ATP2C1: variants seen among roughly 807,000 people sequenced by gnomAD.
The protein encoded by ATP2C1 is ATPase secretory pathway Ca2+ transporting 1.
ATP2C1 carries 31 observed loss-of-function variants against 120.5 expected under a neutral mutation model. That is an observed-to-expected ratio of 0.26 (90% CI 0.19 to 0.35). The LOEUF (loss-of-function observed/expected upper bound fraction) is 0.35, where lower values mean the gene tolerates loss of function less well. ATP2C1 is among the 10% of genes least tolerant of loss of function. The pLI is 1.00. For missense variants in ATP2C1, 731 were observed against 1,107.5 expected (o/e 0.66, Z 4.83); for synonymous variants, 351 against 358.7 (o/e 0.98, Z 0.24).
Position 130,934,721 on chromosome 3 carries a change from A to T in ATP2C1, c.324+10A>T. ...CGTCAGTATCACTGTGGTAAGAAAAAAATTACATATTTTTAATCTGTTGAG... is the reference window on the plus strand; with the variant it reads ...CGTCAGTATCACTGTGGTAAGAAAATAATTACATATTTTTAATCTGTTGAG... On this transcript the variant is annotated intron_variant, in intron 5 of 27. Transcript: ENST00000510168. 1 of 1,565,534 alleles carries T rather than the reference A, an allele frequency of 6.4e-7. No homozygotes were observed. Among genetic ancestry groups the T allele is most frequent in the South Asian group, 1.1e-5 (1 of 90,028 alleles).
upstream of ATP2C1, among the ~76,000 whole-genome samples, chr3:130,892,727 A>ACTTGATAGTGATTTTTATGGGTTCAT (rs1254092736): frequency 1.3e-5 from 2 of 151,644 alleles, no homozygotes; most frequent in Admixed American, 6.6e-5. Flanking sequence ...CTAGAAATCT[A>ACTTGATAGTGATTTTTATGGGTTCAT]CTTGATAGTG....
intron 1 of ATP2C1, among the ~76,000 whole-genome samples, chr3:130,876,794 C>G (rs935288420): frequency 2.0e-5 from 3 of 151,064 alleles, no homozygotes; most frequent in African/African-American, 7.4e-5. Flanking sequence ...TTTGTTTCAT[C>G]AGCATTTTAT....
rs1318919541 is a variant in ATP2C1, at chr3:130,894,783, C to T, written c.6+8C>T. The T allele has an allele frequency of 2.5e-6, 4 of 1,613,660 alleles. No homozygotes were observed. The highest frequency in any genetic ancestry group is 2.7e-5 in the African/African-American group (2 of 74,928). ...TTTCGATGGAAAATGAAGGTAAAGG[C>T]CCCTGGCCGACCGGTTGCAACGCGG... On this transcript the variant is annotated splice_region_variant and intron_variant, in intron 2 of 27. Transcript: ENST00000510168. This position sits in a 1 kb window ranked among gnomAD's most constrained non-coding sequence, Gnocchi z 4.5.
intron 20 of ATP2C1, among the ~76,000 whole-genome samples, chr3:130,983,758 TATC>T (rs2061877370): frequency 6.6e-6 from 1 of 152,224 alleles, no homozygotes; most frequent in Admixed American, 6.5e-5. Flanking sequence ...GTTGGAATAA[TATC>T]ATATGTAGCC....
intron 2 of ATP2C1, among the ~76,000 whole-genome samples, chr3:130,909,301 T>A (rs887877501): frequency 6.6e-6 from 1 of 152,218 alleles, no homozygotes. Flanking sequence ...ACATCTCTCC[T>A]AGAAACTTCC....
At chr3:130,961,071 ATG>A (rs1006469738) in intron 12 of ATP2C1, among the ~76,000 whole-genome samples, 6 of 152,114 alleles carry the variant, frequency 3.9e-5, no homozygotes, top group Admixed American at 6.6e-5. Flanking sequence ...TAGTGAAAGA[ATG>A]TGTTTTTTTT....
In ATP2C1 at chr3:130,903,741, T is replaced by C. The variant is rs140298722; in HGVS notation, c.6+8966T>C. ...CCTTTCCTTTCCTTTCCTTTCCATC[T>C]TCTGTATTGCTAGTAAAATAATTGT... On this transcript the variant is annotated intron_variant, in intron 2 of 27. Coordinates refer to ENST00000510168, the MANE Select transcript of ATP2C1 (RefSeq NM_001378687.1). Among the ~76,000 whole-genome samples, 1,089 of 137,440 alleles carry C rather than the reference T, an allele frequency of 7.9e-3. 18 individuals carry two copies. Among genetic ancestry groups the C allele is most frequent in the African/African-American group, 0.032 (1,035 of 32,098 alleles). The allele number at this position is 137,440 out of a possible 152,430, so 90.2% of individuals were successfully genotyped here.
chr3:130,879,878 T>C (rs1451138807), intron 1 of ATP2C1, among the ~76,000 whole-genome samples: 1 of 152,196 alleles, frequency 6.6e-6, no homozygotes, highest in East Asian at 1.9e-4. Context: ...CTGTGCTGGA[T>C]GGGGATGCCA....
intron 26 of ATP2C1, chr3:131,015,371 C>T (rs1181042097): frequency 5.4e-5 from 32 of 597,386 alleles, no homozygotes; most frequent in South Asian, 4.4e-4. Flanking sequence ...CCTCAAGTAC[C>T]TCCTGGATGG....
At chr3:130,983,588 C>T (rs980805691) in intron 20 of ATP2C1, among the ~76,000 whole-genome samples, 11 of 152,214 alleles carry the variant, frequency 7.2e-5, no homozygotes, top group African/African-American at 1.9e-4. Context: ...TCTTTTGAGA[C>T]GGAGTCTCGC....
downstream of ATP2C1, among the ~76,000 whole-genome samples, chr3:131,003,652 C>T (rs1271612311): frequency 2.6e-5 from 4 of 152,076 alleles, no homozygotes; most frequent in African/African-American, 7.2e-5. Context: ...CCATGAAACC[C>T]GAAGACCCTC....
rs2062608272 is a variant in ATP2C1 at position 130,996,027 on chromosome 3, A to AT, written c.2058-10dup. Reference sequence around the variant, plus strand: ...GATAATATTTTCTCACTTCATCTTTATTTTTTAAATTTCAGGTCTGCAATC... The same window carrying AT: ...GATAATATTTTCTCACTTCATCTTTATTTTTTTAAATTTCAGGTCTGCAATC... On this transcript the variant is annotated splice_polypyrimidine_tract_variant and intron_variant, in intron 22 of 27. Coordinates refer to ENST00000510168, the MANE Select transcript of ATP2C1 (RefSeq NM_001378687.1). 4 of 1,466,612 alleles carry AT rather than the reference A, an allele frequency of 2.7e-6. No individual in the cohort carries two copies. The highest frequency in any genetic ancestry group is 3.8e-6 in the Non-Finnish European group (4 of 1,047,600). The allele number at this position is 1,466,612 out of a possible 1,614,324, so 90.8% of individuals were successfully genotyped here.
chr3:131,005,902 A>C (rs1175274212), downstream of ATP2C1, among the ~76,000 whole-genome samples: 3 of 152,152 alleles, frequency 2.0e-5, no homozygotes, highest in Non-Finnish European at 4.4e-5. Context: ...TACTGGTAGC[A>C]ATTTTTTTGA....
chr3:130,956,626 C>G (rs1422586192), intron 11 of ATP2C1, among the ~76,000 whole-genome samples: 1 of 151,394 alleles, frequency 6.6e-6, no homozygotes, highest in East Asian at 1.9e-4. Flanking sequence ...ATAAATACTT[C>G]TTTAGTGTGG....
At chr3:130,943,495 T>C (rs1403937168) in intron 8 of ATP2C1, among the ~76,000 whole-genome samples, 1 of 152,128 alleles carries the variant, frequency 6.6e-6, no homozygotes, top group Non-Finnish European at 1.5e-5. Flanking sequence ...GGGATTATAG[T>C]CGTGAGCCAC....
intron 6 of ATP2C1, 62 bp from the exon 7 acceptor site, chr3:130,940,564 TAATA>T: frequency 9.6e-7 from 1 of 1,038,022 alleles, no homozygotes; most frequent in African/African-American, 1.6e-5. Context: ...TGATTGAGAT[TAATA>T]AGTCTAAATG....
At chr3:130,941,444 C>T (rs1196891824) in intron 7 of ATP2C1, 147 bp from the exon 8 acceptor site, 7 of 676,056 alleles carry the variant, frequency 1.0e-5, no homozygotes, top group Non-Finnish European at 1.6e-5. Flanking sequence ...TTTCTGTCAT[C>T]TTGGCATCTT....
Position 130,880,457 on chromosome 3 carries a change from G to C in ATP2C1, c.108+29529G>C, listed in dbSNP as rs199851935. Among the ~76,000 whole-genome samples, 11 of 152,178 alleles carry C rather than the reference G, an allele frequency of 7.2e-5. No individual in the cohort carries two copies. In the East Asian group the frequency reaches 1.5e-3, roughly 21 times the overall value. ...ATTAAAAACTTAAAATATGATACAG[G>C]CTACAAAAGCATTACCTTCTATAAT... is the stretch of plus-strand genomic sequence containing the variant. On this transcript the variant is annotated intron_variant, in intron 1 of 26. Coordinates refer to the ATP2C1 transcript ENST00000504381.
In ATP2C1 at chr3:130,879,770, C is replaced by T. The variant is rs532653878; in HGVS notation, c.108+28842C>T. On this transcript the variant is annotated intron_variant, in intron 1 of 26. Coordinates refer to the ATP2C1 transcript ENST00000504381. The stretch of plus-strand genomic sequence containing the variant: ...CTTTGGCTTTCATTCTGGGTGGGTG[C>T]GATAGTACAGTCTCTGTATAATTTC... Among the ~76,000 whole-genome samples, 5 of 152,080 alleles carry T rather than the reference C, an allele frequency of 3.3e-5. No homozygotes were observed. The East Asian group carries it at 7.7e-4, about 23-fold the overall frequency.
Sources: gnomAD v4.1 joint callset for allele counts (sites outside exome capture counted in the v4.1 genomes callset) on GRCh38, gnomAD v4.1.1 for gene constraint, Gnocchi (gnomAD v3.1) non-coding constraint, MANE v1.5 for transcripts, NCBI Gene and HGNC (gene_info 2026-07-23, HGNC 2026-07-21) for gene names.